The following PIK3C2G variants were observed in gnomAD, a reference collection of about 807,000 sequenced individuals.
The protein encoded by PIK3C2G is phosphatidylinositol 3-kinase C2 domain-containing subunit gamma.
Under a neutral mutation model 181.1 loss-of-function variants are expected in PIK3C2G, and 168 were observed. The observed-to-expected ratio is 0.93, with a 90% CI of 0.82 to 1.05. The LOEUF (loss-of-function observed/expected upper bound fraction) is 1.05. PIK3C2G is among the 50% of genes least tolerant of loss of function. The pLI, the probability that PIK3C2G is intolerant of heterozygous loss-of-function variation, is 0.00. For synonymous variants in PIK3C2G, 573 were observed against 592.2 expected (o/e 0.97, Z 0.47); for missense variants, 1,869 against 1,732.8 (o/e 1.08, Z -1.40).
At chr12:18,540,277 T>TA (rs1179894561) in intron 25 of PIK3C2G, among the ~76,000 whole-genome samples, 24 of 152,030 alleles carry the variant, frequency 1.6e-4, no homozygotes, top group African/African-American at 5.5e-4. Context: ...CCTATAATGA[T>TA]ATAAATAACT....
chr12:18,607,022 G>A (rs989572556), intron 30 of PIK3C2G, among the ~76,000 whole-genome samples: 1 of 152,048 alleles, frequency 6.6e-6, no homozygotes, highest in African/African-American at 2.4e-5. Context: ...GGATATAGGG[G>A]TAAAAAGTAA....
intron 31 of PIK3C2G, among the ~76,000 whole-genome samples, chr12:18,616,931 A>G (rs1386666724): frequency 1.3e-5 from 2 of 152,180 alleles, no homozygotes; most frequent in Non-Finnish European, 2.9e-5. Context: ...ATTTTTATCC[A>G]GTAGTTAAAA....
At chr12:18,325,212 C>A in intron 8 of PIK3C2G, 114 bp downstream of exon 8, 1 of 627,126 alleles carries the variant, frequency 1.6e-6, no homozygotes, top group Non-Finnish European at 2.8e-6. Context: ...AACAGAGGAT[C>A]TACACTTGAA....
chr12:18,636,205 A>G (rs1949595135), intron 31 of PIK3C2G, among the ~76,000 whole-genome samples: 1 of 152,074 alleles, frequency 6.6e-6, no homozygotes, highest in Non-Finnish European at 1.5e-5. Context: ...CTGAAAGCAA[A>G]CTGCTTCTGG....
chr12:18,651,833 G>A (rs1186805357), downstream of PIK3C2G, among the ~76,000 whole-genome samples: 4 of 152,246 alleles, frequency 2.6e-5, no homozygotes, highest in East Asian at 7.7e-4. Flanking sequence ...ACATATGCAT[G>A]AGGCAACCAC....
intron 30 of PIK3C2G, among the ~76,000 whole-genome samples, chr12:18,605,858 ACACAGGCTTTGGAGAT>A (rs1947987121): frequency 6.6e-6 from 1 of 152,028 alleles, no homozygotes; most frequent in East Asian, 1.9e-4. Context: ...GCGCTTATAA[ACACAGGCTTTGGAGAT>A]CACTTAAACC....
At chr12:18,426,705 A>G (rs1945834738) in intron 18 of PIK3C2G, among the ~76,000 whole-genome samples, 1 of 152,152 alleles carries the variant, frequency 6.6e-6, no homozygotes, top group Non-Finnish European at 1.5e-5. Flanking sequence ...GGAGTGTCAT[A>G]TTTTTCTGCT....
chr12:18,659,878 C>G, the PIK3C2G span, among the ~76,000 whole-genome samples: 1 of 152,064 alleles, frequency 6.6e-6, no homozygotes, highest in Non-Finnish European at 1.5e-5. Context: ...AGTTGACTTA[C>G]TCTATAAGAA....
At chr12:18,303,432 T>C (rs1229826188) in intron 5 of PIK3C2G, among the ~76,000 whole-genome samples, 5 of 152,012 alleles carry the variant, frequency 3.3e-5, no homozygotes, top group Non-Finnish European at 4.4e-5. Context: ...CCTCCCAAGT[T>C]ATAATCAATT....
chr12:18,363,770 A>G (rs1565639011), intron 12 of PIK3C2G, among the ~76,000 whole-genome samples: 1 of 152,128 alleles, frequency 6.6e-6, no homozygotes, highest in Non-Finnish European at 1.5e-5. Flanking sequence ...ATGATGTTAG[A>G]TAGCACCATC....
intron 18 of PIK3C2G, among the ~76,000 whole-genome samples, chr12:18,444,442 T>A (rs1003944702): frequency 5.9e-5 from 9 of 152,174 alleles, no homozygotes; most frequent in African/African-American, 2.2e-4. Context: ...CTTATCAGTA[T>A]TTTTATTGAA....
chr12:18,624,280 T>C (rs1357358444), intron 31 of PIK3C2G, among the ~76,000 whole-genome samples: 1 of 151,710 alleles, frequency 6.6e-6, no homozygotes, highest in African/African-American at 2.4e-5. Flanking sequence ...TTTTTTCTAG[T>C]GAGATGATTA....
At chr12:18,299,485 A>G (rs1281118970) in intron 5 of PIK3C2G, among the ~76,000 whole-genome samples, 1 of 151,912 alleles carries the variant, frequency 6.6e-6, no homozygotes, top group Non-Finnish European at 1.5e-5. Context: ...TGTCATCTGC[A>G]AAGAGGGACA....
chr12:18,709,594 C>A, the PIK3C2G span, among the ~76,000 whole-genome samples: 1 of 151,668 alleles, frequency 6.6e-6, no homozygotes, highest in Middle Eastern at 3.2e-3. Context: ...TAAATCTGTA[C>A]ACTGTAGCCT....
intron 3 of PIK3C2G, 31 bp from the exon 4 acceptor site, chr12:18,290,824 C>T (rs1286473533): frequency 6.9e-7 from 1 of 1,444,504 alleles, no homozygotes; most frequent in African/African-American, 1.4e-5. Context: ...AGGTCTTGTC[C>T]TAAGTATTTT....
At chr12:18,331,100 T>A (rs1421932142) in intron 8 of PIK3C2G, among the ~76,000 whole-genome samples, 1 of 152,152 alleles carries the variant, frequency 6.6e-6, no homozygotes, top group African/African-American at 2.4e-5. Flanking sequence ...AATCTATGTC[T>A]ATCCTAATAC....
At chr12:18,292,239 T>A (rs5018896) in intron 4 of PIK3C2G, among the ~76,000 whole-genome samples, 8,464 of 119,576 alleles carry the variant, frequency 0.071, 795 homozygotes, top group Non-Finnish European at 0.11. Flanking sequence ...TATATATATA[T>A]ATATATATAT....
At chr12:18,539,603 T>C (rs116023631) in intron 25 of PIK3C2G, among the ~76,000 whole-genome samples, 1 of 151,918 alleles carries the variant, frequency 6.6e-6, no homozygotes, top group African/African-American at 2.4e-5. Context: ...GTTTGGCTAG[T>C]GGCATCATAT....
intron 22 of PIK3C2G, among the ~76,000 whole-genome samples, chr12:18,500,885 G>T (rs183345360): frequency 1.1e-3 from 171 of 152,142 alleles, no homozygotes; most frequent in African/African-American, 3.9e-3. Flanking sequence ...CCCTCACCGC[G>T]AAGGTCTGTA....
Sources: allele counts gnomAD v4.1 joint callset (sites outside exome capture counted in the v4.1 genomes callset), GRCh38; gene constraint gnomAD v4.1.1; transcripts MANE v1.5; gene names NCBI Gene and HGNC (gene_info 2026-07-23, HGNC 2026-07-21).